The following FNDC3A variants were observed in gnomAD, a reference collection of about 807,000 sequenced individuals.
FNDC3A encodes fibronectin type III domain containing 3A.
A neutral mutation model predicts 148.9 loss-of-function variants in FNDC3A; 32 were observed. The ratio of observed to expected loss-of-function variants is 0.21; its 90% CI spans 0.16 to 0.29. The LOEUF is 0.29. Ranked by LOEUF, FNDC3A falls within the 10% of genes least tolerant of loss-of-function variation. The pLI, the probability that FNDC3A is intolerant of heterozygous loss-of-function variation, is 1.00. For missense variants in FNDC3A, 1,191 were observed against 1,452.8 expected (o/e 0.82, Z 2.93); for synonymous variants, 472 against 473.6 (o/e 1.00, Z 0.04).
At chr13:49,070,650 C>G (rs190850493) in intron 2 of FNDC3A, among the ~76,000 whole-genome samples, 35 of 152,114 alleles carry the variant, frequency 2.3e-4, no homozygotes, top group African/African-American at 8.0e-4. Flanking sequence ...AATACTAGAA[C>G]GTATTCTTTC....
intron 2 of FNDC3A, among the ~76,000 whole-genome samples, chr13:49,048,361 G>A (rs1233222061): frequency 1.3e-5 from 2 of 151,918 alleles, no homozygotes; most frequent in African/African-American, 4.8e-5. Flanking sequence ...CATTGAATTT[G>A]TAGATTGCTA....
chr13:49,153,568 G>C (rs548432334), intron 8 of FNDC3A, among the ~76,000 whole-genome samples: 14 of 152,248 alleles, frequency 9.2e-5, no homozygotes, highest in African/African-American at 3.4e-4. Flanking sequence ...ATTGCTTTTG[G>C]TGTTTTAGAC....
intron 16 of FNDC3A, among the ~76,000 whole-genome samples, chr13:49,188,226 C>G (rs146364487): frequency 2.4e-4 from 36 of 152,174 alleles, no homozygotes; most frequent in African/African-American, 8.4e-4. Flanking sequence ...TATTACTGGA[C>G]CAGTAAACAC....
chr13:49,162,692 C>T (rs1884217961), intron 8 of FNDC3A, among the ~76,000 whole-genome samples: 2 of 152,152 alleles, frequency 1.3e-5, no homozygotes, highest in Admixed American at 6.6e-5. Context: ...AAGGGGTGCT[C>T]TGGTTTTTAG....
chr13:49,167,958 G>A (rs1483594025), intron 9 of FNDC3A, among the ~76,000 whole-genome samples: 1 of 152,048 alleles, frequency 6.6e-6, no homozygotes, highest in Non-Finnish European at 1.5e-5. Flanking sequence ...ACTACATCCT[G>A]TTTTAGGGTT....
At chr13:48,986,170 G>A (rs1951788730) in intron 1 of FNDC3A, among the ~76,000 whole-genome samples, 1 of 152,040 alleles carries the variant, frequency 6.6e-6, no homozygotes, top group Non-Finnish European at 1.5e-5. Flanking sequence ...ACAAAATAAA[G>A]TGCTTTTTAT....
chr13:49,202,479 G>A (rs907768036), intron 24 of FNDC3A, among the ~76,000 whole-genome samples: 6 of 152,066 alleles, frequency 3.9e-5, no homozygotes, highest in African/African-American at 1.4e-4. Context: ...TTATTTTAAA[G>A]TGACTCTGGC....
intron 1 of FNDC3A, among the ~76,000 whole-genome samples, chr13:48,983,056 T>C (rs1245687337): frequency 6.6e-6 from 1 of 152,212 alleles, no homozygotes; most frequent in Non-Finnish European, 1.5e-5. Flanking sequence ...TTGCCTATCA[T>C]TTGTTGAACA....
At chr13:49,096,247 A>C (rs949641645) in intron 3 of FNDC3A, among the ~76,000 whole-genome samples, 2 of 152,028 alleles carry the variant, frequency 1.3e-5, no homozygotes, top group African/African-American at 4.8e-5. Flanking sequence ...CAGGTATGTT[A>C]TTTTCTCTAT....
At chr13:49,126,372 C>T (rs147456509) in intron 4 of FNDC3A, among the ~76,000 whole-genome samples, 5 of 152,094 alleles carry the variant, frequency 3.3e-5, no homozygotes, top group Non-Finnish European at 7.3e-5. Context: ...TACAGCATTG[C>T]ACTACCAGCT....
chr13:49,119,833 G>A (rs769412679), intron 4 of FNDC3A, among the ~76,000 whole-genome samples: 9 of 152,052 alleles, frequency 5.9e-5, no homozygotes, highest in Non-Finnish European at 1.0e-4. Flanking sequence ...AGAAATATGG[G>A]ACTATGTGAA....
chr13:49,017,480 T>G (rs995098804), intron 2 of FNDC3A, among the ~76,000 whole-genome samples: 6 of 152,218 alleles, frequency 3.9e-5, no homozygotes, highest in Admixed American at 2.6e-4. Flanking sequence ...CCTTTTATTT[T>G]GAGCCTATGT....
intron 8 of FNDC3A, among the ~76,000 whole-genome samples, chr13:49,155,686 T>C (rs1291917809): frequency 1.1e-5 from 1 of 92,318 alleles, no homozygotes; most frequent in Non-Finnish European, 2.2e-5. Flanking sequence ...TACACACTGC[T>C]TTGAATGCGT....
chr13:48,991,518 C>G (rs1027051977), intron 1 of FNDC3A, among the ~76,000 whole-genome samples: 13 of 151,716 alleles, frequency 8.6e-5, no homozygotes, highest in Admixed American at 8.5e-4. Context: ...GAAACTACGT[C>G]TCTACAAAAA....
intron 10 of FNDC3A, among the ~76,000 whole-genome samples, chr13:49,169,278 T>C (rs186724768): frequency 7.2e-5 from 11 of 152,210 alleles, no homozygotes; most frequent in Admixed American, 5.2e-4. Flanking sequence ...TGTCACTGAT[T>C]ATATAATTTT....
At chr13:49,159,463 G>T (rs1284862131) in intron 8 of FNDC3A, among the ~76,000 whole-genome samples, 1 of 152,204 alleles carries the variant, frequency 6.6e-6, no homozygotes, top group East Asian at 1.9e-4. Context: ...TTTGCACATT[G>T]ATGTTGTATC....
chr13:49,088,762 G>A (rs960045782), intron 3 of FNDC3A, among the ~76,000 whole-genome samples: 1 of 151,586 alleles, frequency 6.6e-6, no homozygotes, highest in African/African-American at 2.4e-5. Context: ...ACAGGGTCTC[G>A]CTATGTTGCC....
intron 13 of FNDC3A, 27 bp downstream of exon 13, chr13:49,175,568 G>A (rs757547818): frequency 6.7e-7 from 1 of 1,491,576 alleles, no homozygotes; most frequent in Non-Finnish European, 9.2e-7. Flanking sequence ...ATTTTAAATA[G>A]TGTATTTAAA....
intron 15 of FNDC3A, among the ~76,000 whole-genome samples, chr13:49,186,637 GC>G (rs1322321163): frequency 6.6e-6 from 1 of 152,230 alleles, no homozygotes; most frequent in East Asian, 1.9e-4. Flanking sequence ...GGAGGCCCAG[GC>G]GGGCAGATCA....
Sources: allele counts gnomAD v4.1 joint callset (sites outside exome capture counted in the v4.1 genomes callset), GRCh38; gene constraint gnomAD v4.1.1; transcripts MANE v1.5; gene names NCBI Gene and HGNC (gene_info 2026-07-23, HGNC 2026-07-21).